NTRK3: variants seen among roughly 807,000 people sequenced by gnomAD.
NTRK3 encodes NT-3 growth factor receptor.
In NTRK3, 24 loss-of-function variants were observed where a neutral mutation model predicts 91.7. The ratio of observed to expected loss-of-function variants is 0.26; its 90% CI spans 0.19 to 0.37. NTRK3 has a LOEUF of 0.37. Among genes scored for constraint, NTRK3 ranks in the 10% least tolerant of loss-of-function variants. NTRK3 has a pLI of 1.00. For missense variants in NTRK3, 880 were observed against 1,068.9 expected (o/e 0.82, Z 2.46); for synonymous variants, 483 against 404.0 (o/e 1.20, Z -2.34).
At chr15:87,955,682 GCCAACA>G (rs2071582937) in intron 14 of NTRK3, among the ~76,000 whole-genome samples, 1 of 152,106 alleles carries the variant, frequency 6.6e-6, no homozygotes, top group Non-Finnish European at 1.5e-5. Flanking sequence ...CTCCAAACTT[GCCAACA>G]GGCACGACCA....
chr15:88,228,838 A>G (rs991117521), intron 3 of NTRK3, among the ~76,000 whole-genome samples: 1 of 152,140 alleles, frequency 6.6e-6, no homozygotes, highest in Non-Finnish European at 1.5e-5. Context: ...ATAGAGATTG[A>G]AAGCCACATG....
intron 5 of NTRK3, among the ~76,000 whole-genome samples, chr15:88,155,103 C>T (rs919904621): frequency 3.9e-5 from 6 of 152,120 alleles, no homozygotes; most frequent in East Asian, 1.9e-4. Context: ...ATCCAAATCT[C>T]GAGAATCTGT....
Position 87,926,042 on chromosome 15 carries a change from C to A in NTRK3, c.2133+3149G>T, listed in dbSNP as rs1596279423. On this transcript the variant is annotated intron_variant, in intron 17 of 18. Coordinates refer to ENST00000394480, the Ensembl canonical transcript of NTRK3. ...GTGAATATTTTTGTTCTCACTTTAA[C>A]AATAGAAAAATTGAACAGAGGTTAG... 2.0e-5 allele frequency among the ~76,000 whole-genome samples: 3 copies of A among 152,252 alleles called. No homozygotes were observed. The East Asian group carries it at 5.8e-4, about 29-fold the overall frequency.
exon 16 of NTRK3, chr15:87,933,115 G>T (rs2068950126): frequency 2.5e-6 from 4 of 1,614,000 alleles, no homozygotes; most frequent in African/African-American, 2.7e-5. Flanking sequence ...TGCTCATGCT[G>T]CAGGTTGGTG....
At chr15:87,870,749 T>G (rs1334273797) in exon 19 of NTRK3, 2 of 223,348 alleles carry the variant, frequency 9.0e-6, no homozygotes, top group African/African-American at 2.2e-5. Context: ...GATACTAAAC[T>G]GAAAAGCAAG....
rs79933588 is a variant in NTRK3, at chr15:88,070,787, T to C, written c.1397-37742A>G. Among the ~76,000 whole-genome samples the C allele has an allele frequency of 8.5e-3, 1,297 of 152,112 alleles. 13 individuals are homozygous for C. The highest frequency in any genetic ancestry group is 0.029 in the African/African-American group (1,218 of 41,468). On this transcript the variant is annotated intron_variant, in intron 13 of 18. Coordinates refer to ENST00000394480, the Ensembl canonical transcript of NTRK3. Reference sequence around the variant, plus strand: ...CAAAATGTTTCTTCTTGTCTTGAACTAGAAATCAGTGAATGATGTTCTTGA... The same window carrying C: ...CAAAATGTTTCTTCTTGTCTTGAACCAGAAATCAGTGAATGATGTTCTTGA...
chr15:88,202,336 C>CTTCAATCAT (rs1416055054), intron 3 of NTRK3, among the ~76,000 whole-genome samples: 1 of 152,214 alleles, frequency 6.6e-6, no homozygotes, highest in Non-Finnish European at 1.5e-5. Context: ...TGGCCTTTCC[C>CTTCAATCAT]TTCAATCATT....
intron 14 of NTRK3, among the ~76,000 whole-genome samples, chr15:87,946,691 A>C (rs986349505): frequency 2.6e-5 from 4 of 151,944 alleles, no homozygotes; most frequent in African/African-American, 9.7e-5. Context: ...TGTCCTCATC[A>C]CTGAGACCTC....
At chr15:87,897,550 G>A (rs1351510108) in intron 17 of NTRK3, among the ~76,000 whole-genome samples, 2 of 152,056 alleles carry the variant, frequency 1.3e-5, no homozygotes, top group East Asian at 3.9e-4. Context: ...TCTCAACCAA[G>A]CTCAGATCCA....
intron 13 of NTRK3, among the ~76,000 whole-genome samples, chr15:88,036,883 G>C (rs1191694974): frequency 6.6e-6 from 1 of 152,224 alleles, no homozygotes; most frequent in African/African-American, 2.4e-5. Flanking sequence ...AGAGGGAGAA[G>C]TTTGAGAAGA....
At chr15:88,114,019 C>G (rs1172076142) in intron 13 of NTRK3, among the ~76,000 whole-genome samples, 1 of 152,086 alleles carries the variant, frequency 6.6e-6, no homozygotes, top group South Asian at 2.1e-4. Flanking sequence ...CCCCCACCAC[C>G]AACAACAACC....
rs202131883 is a variant in NTRK3, at chr15:88,249,801, C to T, written c.248+6105G>A. Among the ~76,000 whole-genome samples, 53 of 152,216 alleles carry T rather than the reference C, an allele frequency of 3.5e-4. No homozygotes were observed. In the East Asian group the frequency reaches 7.2e-3, roughly 21 times the overall value. ...TTGTGTTCCTCAAAGTTGAGGTCAA[C>T]GAGGTTCATAGAATGACAAATGACA... On this transcript the variant is annotated intron_variant, in intron 3 of 18. Transcript: ENST00000394480.
intron 14 of NTRK3, among the ~76,000 whole-genome samples, chr15:87,994,516 C>A (rs970242910): frequency 6.6e-6 from 1 of 152,122 alleles, no homozygotes; most frequent in Non-Finnish European, 1.5e-5. Context: ...AGAAGAGGGG[C>A]CTGGAACAGA....
intron 14 of NTRK3, among the ~76,000 whole-genome samples, chr15:88,017,495 G>A (rs1023825284): frequency 2.0e-5 from 3 of 152,204 alleles, no homozygotes; most frequent in African/African-American, 7.2e-5. Context: ...TAACTTCAGA[G>A]GAAATAAAAG....
chr15:88,228,723 G>A (rs781316492), intron 3 of NTRK3, among the ~76,000 whole-genome samples: 39 of 152,176 alleles, frequency 2.6e-4, no homozygotes, highest in Middle Eastern at 3.4e-3. Flanking sequence ...AGCCTCACAC[G>A]CAGTAACAGA....
At chr15:88,178,151 T>C (rs529325154) in intron 5 of NTRK3, among the ~76,000 whole-genome samples, 8 of 152,292 alleles carry the variant, frequency 5.3e-5, no homozygotes, top group African/African-American at 1.9e-4. Flanking sequence ...GCCAATCCTT[T>C]TGGGACTTGG....
chr15:88,124,049 TG>T (rs1466908383), intron 13 of NTRK3, among the ~76,000 whole-genome samples: 2 of 152,110 alleles, frequency 1.3e-5, no homozygotes, highest in Admixed American at 6.5e-5. Flanking sequence ...TTCGGATGGT[TG>T]GGGGGCTTAG....
At chr15:88,196,560 C>T (rs2047842501) in intron 3 of NTRK3, among the ~76,000 whole-genome samples, 1 of 152,226 alleles carries the variant, frequency 6.6e-6, no homozygotes, top group African/African-American at 2.4e-5. Flanking sequence ...CCCTTGTTAT[C>T]TGTAAGGAAA....
chr15:88,097,442 G>T (rs1263452631), intron 13 of NTRK3, among the ~76,000 whole-genome samples: 1 of 152,190 alleles, frequency 6.6e-6, no homozygotes, highest in Non-Finnish European at 1.5e-5. Flanking sequence ...GGAATGGGAA[G>T]AGATAGTCTC....
Sources: gnomAD v4.1 joint callset for allele counts (sites outside exome capture counted in the v4.1 genomes callset) on GRCh38, gnomAD v4.1.1 for gene constraint, MANE v1.5 for transcripts, NCBI Gene and HGNC (gene_info 2026-07-23, HGNC 2026-07-21) for gene names.